ENTHD1: variants seen among roughly 807,000 people sequenced by gnomAD.
The protein encoded by ENTHD1 is ENTH domain containing 1, also known as ENTH domain-containing protein 1.
ENTHD1 carries 23 observed loss-of-function variants against 39.1 expected under a neutral mutation model. The ratio of observed to expected loss-of-function variants is 0.59; its 90% CI spans 0.42 to 0.83. The LOEUF (loss-of-function observed/expected upper bound fraction) is 0.83. Ranked by LOEUF, ENTHD1 falls within the 40% of genes least tolerant of loss-of-function variation. The pLI, the probability that ENTHD1 is intolerant of heterozygous loss-of-function variation, is 0.00. For synonymous variants in ENTHD1, 230 were observed against 258.2 expected (o/e 0.89, Z 1.05); for missense variants, 624 against 705.4 (o/e 0.88, Z 1.31).
At chr22:39,782,726 T>C (rs1053562837) in intron 5 of ENTHD1, among the ~76,000 whole-genome samples, 6 of 152,102 alleles carry the variant, frequency 3.9e-5, no homozygotes, top group Non-Finnish European at 7.4e-5. Context: ...ATTATTTCAA[T>C]CAATAGATGC....
chr22:39,782,417 TA>T (rs970603795), intron 5 of ENTHD1, among the ~76,000 whole-genome samples: 3 of 147,698 alleles, frequency 2.0e-5, no homozygotes, highest in Admixed American at 6.8e-5. Context: ...CTCAAACTCT[TA>T]AAAAAAAAAC....
At chr22:39,810,597 A>C (rs1475915524) in intron 5 of ENTHD1, among the ~76,000 whole-genome samples, 1 of 152,212 alleles carries the variant, frequency 6.6e-6, no homozygotes, top group East Asian at 1.9e-4. Flanking sequence ...AAAGATTTCA[A>C]AGTTGTAGGG....
intron 4 of ENTHD1, 145 bp from the exon 5 acceptor site, chr22:39,821,258 C>T: frequency 9.4e-7 from 1 of 1,069,242 alleles, no homozygotes. Context: ...ACATCTATCA[C>T]TTGGCTGTCT....
chr22:39,810,570 A>T (rs928841688), intron 5 of ENTHD1, among the ~76,000 whole-genome samples: 3 of 152,218 alleles, frequency 2.0e-5, no homozygotes, highest in Non-Finnish European at 4.4e-5. Flanking sequence ...GAAATTACAG[A>T]AATTAATGCC....
intron 5 of ENTHD1, among the ~76,000 whole-genome samples, chr22:39,796,305 C>T (rs957998731): frequency 6.6e-6 from 1 of 151,932 alleles, no homozygotes; most frequent in East Asian, 1.9e-4. Flanking sequence ...CAGGGTCTTG[C>T]TCTGTGGCCC....
Position 39,744,022 on chromosome 22 carries a change from A to G in ENTHD1, c.1481T>C (p.Leu494Pro), listed in dbSNP as rs369391771. ...TTTAGCAGAATCAGAGTTATTTGGA[A>G]GAATTCCCAGTAGATTGAGGCTATC... The part of the protein sequence containing the change: ...ENDSLNLLGI[L>P]PNNSDSAKKN... The change falls in exon 7 of 7, where the codon CTT (leucine) becomes CCT (proline). Residue 494 changes from leucine to proline, a missense_variant. By Grantham distance (98) the Leu-to-Pro change is moderately conservative (BLOSUM62 -3). Transcript: ENST00000325157. 3.1e-6 allele frequency: 5 copies of G among 1,614,106 alleles called. No homozygotes were observed. In the East Asian group the frequency reaches 6.7e-5, roughly 22 times the overall value.
In ENTHD1 at chr22:39,769,088, A is replaced by T. The variant is rs60702933; in HGVS notation, c.833-3479T>A. Among the ~76,000 whole-genome samples the T allele has an allele frequency of 8.1e-3, 1,225 of 151,042 alleles. 17 individuals are homozygous for T. The highest frequency in any genetic ancestry group is 0.028 in the African/African-American group (1,128 of 40,662). On this transcript the variant is annotated intron_variant, in intron 5 of 6. Transcript: ENST00000325157. Reference sequence around the variant, plus strand: ...TGTATATGTACATATATACACACACAAACTTGTGTATATGTACACATATAC... The same window carrying T: ...TGTATATGTACATATATACACACACTAACTTGTGTATATGTACACATATAC...
At chr22:39,835,754 C>A (rs1641371645) in intron 4 of ENTHD1, 86 bp downstream of exon 4, 1 of 937,372 alleles carries the variant, frequency 1.1e-6, no homozygotes, top group South Asian at 1.9e-5. Flanking sequence ...AGGCTTCTAA[C>A]CTACAGAAGA....
At chr22:39,884,503 C>T (rs1301301486) in intron 2 of ENTHD1, among the ~76,000 whole-genome samples, 1 of 150,834 alleles carries the variant, frequency 6.6e-6, no homozygotes, top group Non-Finnish European at 1.5e-5. Flanking sequence ...TAACAAAATT[C>T]GTAAGCTGGT....
chr22:39,822,139 G>A (rs899180449), intron 4 of ENTHD1, among the ~76,000 whole-genome samples: 1 of 151,462 alleles, frequency 6.6e-6, no homozygotes, highest in African/African-American at 2.4e-5. Context: ...TTTTTCTACA[G>A]CTTGTTTGAA....
intron 5 of ENTHD1, among the ~76,000 whole-genome samples, chr22:39,784,576 A>G (rs2065439215): frequency 6.6e-6 from 1 of 151,602 alleles, no homozygotes; most frequent in Non-Finnish European, 1.5e-5. Context: ...ACACACACAC[A>G]CACACACTAG....
rs543952202 is a variant in ENTHD1, at chr22:39,826,069, C to T, written c.712-4956G>A. Reference sequence around the variant, plus strand: ...TTTTGTATTTTGCATTTTTTATAGACACATGGTTTCACCATGTTGGCCAGG... The same window carrying T: ...TTTTGTATTTTGCATTTTTTATAGATACATGGTTTCACCATGTTGGCCAGG... On this transcript the variant is annotated intron_variant, in intron 4 of 6. Coordinates refer to ENST00000325157, the MANE Select transcript of ENTHD1 (RefSeq NM_152512.4). Among the ~76,000 whole-genome samples the T allele has an allele frequency of 1.6e-3, 241 of 152,224 alleles. 1 individual carries two copies. The highest frequency in any genetic ancestry group is 2.8e-3 in the Non-Finnish European group (188 of 67,974).
intron 5 of ENTHD1, among the ~76,000 whole-genome samples, chr22:39,782,967 T>C (rs1243464776): frequency 6.6e-6 from 1 of 152,112 alleles, no homozygotes; most frequent in African/African-American, 2.4e-5. Context: ...GGCATCCAAA[T>C]TGGAAAGAAA....
intron 5 of ENTHD1, among the ~76,000 whole-genome samples, chr22:39,818,614 C>T (rs768728848): frequency 3.3e-5 from 5 of 152,160 alleles, no homozygotes; most frequent in South Asian, 2.1e-4. Flanking sequence ...TAGACTTATC[C>T]TATTGCCAGT....
At chr22:39,821,683 G>A (rs943049308) in intron 4 of ENTHD1, among the ~76,000 whole-genome samples, 16 of 152,104 alleles carry the variant, frequency 1.1e-4, no homozygotes, top group Admixed American at 3.9e-4. Flanking sequence ...AGTCCATTCC[G>A]GTCACTATAA....
chr22:39,849,058 T>C (rs2066014396), intron 3 of ENTHD1, among the ~76,000 whole-genome samples: 1 of 152,134 alleles, frequency 6.6e-6, no homozygotes, highest in Non-Finnish European at 1.5e-5. Flanking sequence ...GTTCCATTGG[T>C]CCATGCACCT....
intron 6 of ENTHD1, among the ~76,000 whole-genome samples, chr22:39,756,316 T>TCTCTCTCTCTCTCTCTCA (rs1433242336): frequency 7.2e-6 from 1 of 138,012 alleles, no homozygotes; most frequent in Admixed American, 7.1e-5. Context: ...TCTCTCTCTC[T>TCTCTCTCTCTCTCTCTCA]CACACACACA....
At chr22:39,769,659 A>G (rs549801904) in intron 5 of ENTHD1, among the ~76,000 whole-genome samples, 1 of 152,276 alleles carries the variant, frequency 6.6e-6, no homozygotes, top group African/African-American at 2.4e-5. Context: ...AGTAGTACTC[A>G]GAGGAAGGCC....
At chr22:39,886,706 A>G (rs140591533) in intron 2 of ENTHD1, among the ~76,000 whole-genome samples, 1 of 152,204 alleles carries the variant, frequency 6.6e-6, no homozygotes, top group African/African-American at 2.4e-5. Flanking sequence ...GCCTTTTGTC[A>G]CTGTAGAATA....
Sources: gnomAD v4.1 joint callset for allele counts (sites outside exome capture counted in the v4.1 genomes callset) on GRCh38, gnomAD v4.1.1 for gene constraint, MANE v1.5 for transcripts, NCBI Gene and HGNC (gene_info 2026-07-23, HGNC 2026-07-21) for gene names.